The following NGEF variants were observed in gnomAD, a reference collection of about 807,000 sequenced individuals.
NGEF encodes ephexin-1.
Under a neutral mutation model 80.9 loss-of-function variants are expected in NGEF, and 31 were observed. The observed-to-expected ratio is 0.38, with a 90% confidence interval of 0.29 to 0.52. NGEF has a LOEUF of 0.52. Among genes scored for constraint, NGEF ranks in the 20% least tolerant of loss-of-function variants. NGEF has a pLI of 0.84. For synonymous variants in NGEF, 371 were observed against 370.2 expected (o/e 1.00, Z -0.03); for missense variants, 709 against 926.2 (o/e 0.77, Z 3.04).
intron 1 of NGEF, among the ~76,000 whole-genome samples, chr2:232,989,607 C>A (rs1482268897): frequency 6.6e-6 from 1 of 152,106 alleles, no homozygotes; most frequent in African/African-American, 2.4e-5. Flanking sequence ...GGGATCTGGA[C>A]AACAAACCTC....
At chr2:232,966,669 G>A (rs556270261) in intron 3 of NGEF, among the ~76,000 whole-genome samples, 46 of 152,232 alleles carry the variant, frequency 3.0e-4, no homozygotes, top group South Asian at 2.9e-3. Context: ...TTCATCTAGT[G>A]TTAAAATGCA....
rs1409325641 is a variant in NGEF, at chr2:232,974,608, GT to G, written c.268+14del. 1.9e-6 allele frequency: 3 copies of G among 1,611,814 alleles called. No homozygotes were observed. The highest frequency in any genetic ancestry group is 2.5e-6 in the Non-Finnish European group (3 of 1,179,114). On this transcript the variant is annotated intron_variant, in intron 2 of 14. Transcript: ENST00000264051. ...ATGTAAGGGAACAGCCGTGACAGCT[GT>G]CCCTGATACTGACCTGCCAGGCAGC... is the stretch of plus-strand genomic sequence containing the variant.
intron 5 of NGEF, among the ~76,000 whole-genome samples, chr2:232,899,943 TAC>T (rs1195929770): frequency 1.3e-5 from 1 of 79,178 alleles, no homozygotes. Flanking sequence ...CACATTCACT[TAC>T]ACACATGCTC....
intron 6 of NGEF, chr2:232,894,505 C>A: frequency 3.0e-6 from 1 of 336,394 alleles, no homozygotes; most frequent in South Asian, 1.1e-4. Flanking sequence ...CAGCAGGATG[C>A]TCAGCGCAGA....
At position 232,879,421 on chromosome 2, in the gene NGEF, C is replaced by CCA. The variant is rs1691410785; in HGVS notation, c.*67_*68insTG. 3 of 34,046 alleles carry CCA rather than the reference C, an allele frequency of 8.8e-5. No individual in the cohort carries two copies. The highest frequency in any genetic ancestry group is 6.3e-4 in the South Asian group (3 of 4,746). 2.1% of individuals were successfully genotyped at this position (34,046 alleles called of 1,614,324 possible). On this transcript the variant is annotated 3_prime_UTR_variant, in exon 15 of 15. Coordinates refer to ENST00000264051, the MANE Select transcript of NGEF (RefSeq NM_019850.3). ...AGGTGCTGGCCTGTGCTTCCCAGAG[C>CCA]CCCCCCCCCCCCACCTTCTGTCGGG... is the stretch of plus-strand genomic sequence containing the variant.
intron 3 of NGEF, among the ~76,000 whole-genome samples, chr2:232,962,337 G>C (rs571806163): frequency 6.6e-6 from 1 of 152,204 alleles, no homozygotes; most frequent in African/African-American, 2.4e-5. Flanking sequence ...AGGCGTTCAA[G>C]ACCAGCCTGG....
At chr2:232,963,651 T>A (rs566719027) in intron 3 of NGEF, among the ~76,000 whole-genome samples, 10 of 152,164 alleles carry the variant, frequency 6.6e-5, no homozygotes, top group Middle Eastern at 3.4e-3. Flanking sequence ...CTGTCTGTAC[T>A]AAAAATATAA....
rs748866460 is a variant in NGEF at position 232,885,301 on chromosome 2, C to T, written c.1416G>A (p.Lys472=). 22 of 1,613,986 alleles carry T rather than the reference C, an allele frequency of 1.4e-5. No homozygotes were observed. Among genetic ancestry groups the T allele is most frequent in the South Asian group, 1.3e-4 (12 of 91,084 alleles). Residue 472 remains lysine (K), a synonymous_variant, in exon 10 of 15, where the codon AAG becomes AAA. Transcript: ENST00000264051. The part of the protein sequence containing the change: ...SRTEQMISIQ[K]KMEFKIKSVP... ...TCACCTTGATCTTGAACTCCATCTT[C>T]TTCTGAATGCTGATCATCTGTTCCG...
intron 5 of NGEF, among the ~76,000 whole-genome samples, chr2:232,919,947 G>C (rs114828192): frequency 3.8e-4 from 58 of 152,308 alleles, no homozygotes; most frequent in African/African-American, 1.3e-3. Flanking sequence ...TAGTCACAGT[G>C]AGCTCAGCAG....
intron 3 of NGEF, among the ~76,000 whole-genome samples, chr2:232,947,805 A>G (rs1693589236): frequency 6.6e-6 from 1 of 152,202 alleles, no homozygotes; most frequent in Non-Finnish European, 1.5e-5. Flanking sequence ...GGGCCATTCT[A>G]CAAGATAAGA....
intron 5 of NGEF, among the ~76,000 whole-genome samples, chr2:232,899,595 TTCAC>T (rs1318132523): frequency 7.0e-6 from 1 of 142,740 alleles, no homozygotes; most frequent in Non-Finnish European, 1.6e-5. Context: ...CATATACACG[TTCAC>T]TCACATTCAC....
At position 232,993,149 on chromosome 2, in the gene NGEF, GGGCAAATA is replaced by G. The variant is rs1559238275; in HGVS notation, c.-74-18193_-74-18186del. Among the ~76,000 whole-genome samples the G allele has an allele frequency of 1.3e-3, 28 of 22,024 alleles. 1 individual carries two copies. In the East Asian group the frequency reaches 0.18, roughly 145 times the overall value. The allele number at this position is 22,024 out of a possible 152,430, so 14.4% of individuals were successfully genotyped here. ...AATATATATTTATTTATATATATAT[GGGCAAATA>G]TATATATATTATATATATAAATAAA... On this transcript the variant is annotated intron_variant, in intron 1 of 14. Transcript: ENST00000264051.
intron 1 of NGEF, among the ~76,000 whole-genome samples, chr2:232,980,151 T>C (rs1325289755): frequency 6.6e-6 from 1 of 152,158 alleles, no homozygotes; most frequent in Non-Finnish European, 1.5e-5. Flanking sequence ...TCTATTTGGC[T>C]GTCTCTGTGT....
chr2:232,905,846 A>C, intron 5 of NGEF: 1 of 249,002 alleles, frequency 4.0e-6, no homozygotes, highest in East Asian at 1.9e-4. Flanking sequence ...CCCGTCTGGG[A>C]AGTGAGGAGC....
At chr2:232,925,589 C>T (rs1693046270) in intron 4 of NGEF, among the ~76,000 whole-genome samples, 1 of 152,158 alleles carries the variant, frequency 6.6e-6, no homozygotes, top group Non-Finnish European at 1.5e-5. Flanking sequence ...CAGCCGTCTC[C>T]AAGAAAGACA....
intron 5 of NGEF, among the ~76,000 whole-genome samples, chr2:232,900,614 A>T (rs28538407): frequency 6.5e-3 from 84 of 12,902 alleles, no homozygotes; most frequent in Non-Finnish European, 7.5e-3. Flanking sequence ...TCACTCACAT[A>T]CACACACGCT....
intron 4 of NGEF, among the ~76,000 whole-genome samples, 165 bp downstream of exon 4, chr2:232,926,879 C>T (rs1225264902): frequency 1.3e-5 from 2 of 152,224 alleles, no homozygotes; most frequent in African/African-American, 4.8e-5. Flanking sequence ...AGCAGTTTTG[C>T]CTGCGGAACC....
intron 3 of NGEF, among the ~76,000 whole-genome samples, chr2:232,948,614 C>T (rs192936548): frequency 1.3e-3 from 204 of 152,172 alleles, no homozygotes; most frequent in African/African-American, 4.9e-3. Flanking sequence ...GCTTATTGTG[C>T]TATTCTTTTG....
intron 3 of NGEF, among the ~76,000 whole-genome samples, chr2:232,954,426 G>C (rs1175721809): frequency 6.6e-6 from 1 of 152,052 alleles, no homozygotes; most frequent in African/African-American, 2.4e-5. Context: ...TGCTGTGGGA[G>C]CTTAAGAGAG....
Sources: allele counts gnomAD v4.1 joint callset (sites outside exome capture counted in the v4.1 genomes callset), GRCh38; gene constraint gnomAD v4.1.1; transcripts MANE v1.5; gene names NCBI Gene and HGNC (gene_info 2026-07-23, HGNC 2026-07-21).